PKD2L1: variants seen among roughly 807,000 people sequenced by gnomAD.
PKD2L1 encodes polycystin-2-like protein 1.
In PKD2L1, 77 loss-of-function variants were observed where a neutral mutation model predicts 93.0. The ratio of observed to expected loss-of-function variants is 0.83; its 90% CI spans 0.69 to 1.00. The LOEUF is 1.00. PKD2L1 is among the 50% of genes least tolerant of loss of function. The pLI is 0.00. For missense variants in PKD2L1, 977 were observed against 990.9 expected, an observed-to-expected ratio of 0.99 and a Z score of 0.19; for synonymous variants, 390 against 388.0, an observed-to-expected ratio of 1.01 and a Z score of -0.06.
intron 2 of PKD2L1, among the ~76,000 whole-genome samples, chr10:100,325,362 T>C (rs1187977125): frequency 6.6e-6 from 1 of 152,158 alleles, no homozygotes; most frequent in Non-Finnish European, 1.5e-5. Flanking sequence ...GGCCAGGACC[T>C]TGGAGAGCAC....
chr10:100,291,051 A>C (rs567511580), intron 12 of PKD2L1, among the ~76,000 whole-genome samples: 20 of 152,344 alleles, frequency 1.3e-4, no homozygotes, highest in Non-Finnish European at 2.6e-4. Context: ...AGTTATAAAA[A>C]GTACTGATGT....
intron 2 of PKD2L1, among the ~76,000 whole-genome samples, chr10:100,301,090 C>G (rs866820728): frequency 6.6e-6 from 1 of 152,060 alleles, no homozygotes; most frequent in Non-Finnish European, 1.5e-5. Context: ...CCCCCTGAGC[C>G]GTAAAACCAG....
intron 1 of PKD2L1, 92 bp from the exon 2 acceptor site, chr10:100,329,416 C>T: frequency 6.4e-7 from 1 of 1,557,978 alleles, no homozygotes; most frequent in Non-Finnish European, 8.8e-7. Flanking sequence ...TAGCCCCTTT[C>T]CACCCCTGCC....
Position 100,321,663 on chromosome 10 carries a change from AAAAGAAAGAAAGAAAG to A in PKD2L1, c.349+7532_349+7547del, listed in dbSNP as rs1174755361. Among the ~76,000 whole-genome samples the A allele has an allele frequency of 3.5e-4, 25 of 70,550 alleles. 2 individuals are homozygous for A. Among genetic ancestry groups the A allele is most frequent in the African/African-American group, 5.8e-4 (9 of 15,586 alleles). The allele number at this position is 70,550 out of a possible 152,430, so 46.3% of individuals were successfully genotyped here. A position where few individuals can be genotyped will look rare whatever the true frequency, so the allele number is the denominator to read the frequency against. On this transcript the variant is annotated intron_variant, in intron 2 of 15. Transcript: ENST00000318222. ...ACTCCAGCCTGGGCAACAGAGTGAG[AAAAGAAAGAAAGAAAG>A]AAAGAAAGAAAGAAAGAAAGAAAGA...
At chr10:100,291,566 C>T in intron 11 of PKD2L1, 139 bp from the exon 12 acceptor site, 1 of 793,770 alleles carries the variant, frequency 1.3e-6, no homozygotes, top group Non-Finnish European at 2.0e-6. Context: ...AGCAATCTTA[C>T]CCCCAGGAAA....
intron 2 of PKD2L1, among the ~76,000 whole-genome samples, chr10:100,315,006 GGAA>G (rs1355383072): frequency 0.027 from 299 of 11,140 alleles, 9 homozygotes; most frequent in South Asian, 0.054. Context: ...AAGGAAGGAA[GGAA>G]GGAAGGGAAG....
At chr10:100,296,510 T>G (rs185035946) in intron 6 of PKD2L1, among the ~76,000 whole-genome samples, 1 of 152,020 alleles carries the variant, frequency 6.6e-6, no homozygotes, top group African/African-American at 2.4e-5. Context: ...TTGGGGACAA[T>G]GGTAAATATT....
At chr10:100,313,837 C>A (rs183393746) in intron 2 of PKD2L1, among the ~76,000 whole-genome samples, 3 of 152,212 alleles carry the variant, frequency 2.0e-5, no homozygotes, top group Non-Finnish European at 4.4e-5. Flanking sequence ...GAAGACTTTA[C>A]GCAGACAGAT....
At position 100,288,992 on chromosome 10, in the gene PKD2L1, A is replaced by G. The variant is rs751193937; in HGVS notation, c.2315T>C (p.Val772Ala). 8 of 1,606,434 alleles carry G rather than the reference A, an allele frequency of 5.0e-6. No individual in the cohort carries two copies. Among genetic ancestry groups the G allele is most frequent in the Admixed American group, 1.7e-5 (1 of 59,290 alleles). The change falls in exon 15 of 16, where the codon GTC (valine) becomes GCC (alanine). Residue 772 changes from valine (V) to alanine (A), a missense_variant. Transcript: ENST00000318222. ...CTCACCACTCTCCTGCCCACCCTGG[A>G]CTCCCCAGGGGTCTGGGGTCACAGC... Reference protein sequence around the residue: ...APAVTPDPWGVQGGQESEVPY... With the variant: ...APAVTPDPWGAQGGQESEVPY...
rs530146179 is a variant in PKD2L1, at chr10:100,307,018, C to A, written c.350-7300G>T. Among the ~76,000 whole-genome samples, 4 of 152,178 alleles carry A rather than the reference C, an allele frequency of 2.6e-5. No homozygotes were observed. In the East Asian group the frequency reaches 5.8e-4, roughly 22 times the overall value. ...GTTTGACTCTACAGTCAAGAACCAG[C>A]CTGTTTAACTGGAACGCCTGGTTCA... is the stretch of plus-strand genomic sequence containing the variant. On this transcript the variant is annotated intron_variant, in intron 2 of 15. Coordinates refer to ENST00000318222, the MANE Select transcript of PKD2L1 (RefSeq NM_016112.3).
intron 12 of PKD2L1, among the ~76,000 whole-genome samples, chr10:100,290,966 G>A (rs1482089412): frequency 1.3e-5 from 2 of 152,222 alleles, no homozygotes; most frequent in Non-Finnish European, 2.9e-5. Context: ...TTCTTGGGCA[G>A]TTGGTCATTT....
chr10:100,303,191 G>GTTTTTTTTTTTTTTTTTTTTTTTTTTTT lies in PKD2L1; in HGVS notation c.350-3474_350-3473insAAAAAAAAAAAAAAAAAAAAAAAAAAAA, dbSNP rs146131470. ...TTTAAGTCCATAATTACATCAAACT[G>GTTTTTTTTTTTTTTTTTTTTTTTTTTTT]TTTTTTTGTTTTTTTTTTTGAGACG... On this transcript the variant is annotated intron_variant, in intron 2 of 15. Coordinates refer to ENST00000318222, the MANE Select transcript of PKD2L1 (RefSeq NM_016112.3). Among the ~76,000 whole-genome samples the GTTTTTTTTTTTTTTTTTTTTTTTTTTTT allele has an allele frequency of 4.7e-5, 6 of 128,984 alleles. 1 individual carries two copies. Among genetic ancestry groups the GTTTTTTTTTTTTTTTTTTTTTTTTTTTT allele is most frequent in the African/African-American group, 8.9e-5 (3 of 33,566 alleles). 84.6% of individuals were successfully genotyped at this position (128,984 alleles called of 152,430 possible). A position where few individuals can be genotyped will look rare whatever the true frequency, so the allele number is the denominator to read the frequency against.
chr10:100,302,353 G>A (rs1424251210), intron 2 of PKD2L1, among the ~76,000 whole-genome samples: 1 of 151,010 alleles, frequency 6.6e-6, no homozygotes, highest in Non-Finnish European at 1.5e-5. Flanking sequence ...TTATTTTGTT[G>A]CTCAGGTTTT....
At chr10:100,295,227 C>A (rs1177494330) in intron 7 of PKD2L1, 104 bp from the exon 8 acceptor site, 6 of 827,702 alleles carry the variant, frequency 7.2e-6, no homozygotes, top group Non-Finnish European at 9.9e-6. Context: ...CCAAGCCAGA[C>A]AAAGAAAATG....
chr10:100,288,443 C>A lies in PKD2L1; in HGVS notation c.2371G>T (p.Glu791Ter). The A allele has an allele frequency of 6.2e-7, 1 of 1,612,892 alleles. No individual in the cohort carries two copies. Among genetic ancestry groups the A allele is most frequent in the Non-Finnish European group, 8.5e-7 (1 of 1,178,888 alleles). Residue 791 changes from glutamate to a stop codon, truncating the protein, a stop_gained, in exon 16 of 16, where the codon GAG (glutamate) becomes TAG (stop). Coordinates refer to ENST00000318222, the MANE Select transcript of PKD2L1 (RefSeq NM_016112.3). LOFTEE classifies it low-confidence loss of function (END_TRUNC). ...ATCTCACCACGGGAGAGTCTCCTCT[C>A]CTCTAAGGCTTCCTCTTCTCTTTTA... The part of the protein sequence containing the change: ...PYKREEEALE[E>*]RRLSRGEIPT...
In PKD2L1 at chr10:100,329,418, A is replaced by T. The variant is rs187535072; in HGVS notation, c.236-94T>A. On this transcript the variant is annotated intron_variant, in intron 1 of 15. Transcript: ENST00000318222. ...TGTCTCTGGACTTTAGCCCCTTTCC[A>T]CCCCTGCCCTTCCTTGCCCATCACC... The T allele has an allele frequency of 1.8e-3, 2,776 of 1,546,638 alleles. 17 individuals carry two copies. Among genetic ancestry groups the T allele is most frequent in the Non-Finnish European group, 1.1e-3 (1,271 of 1,134,070 alleles).
intron 2 of PKD2L1, among the ~76,000 whole-genome samples, chr10:100,301,531 T>C (rs895493411): frequency 6.6e-6 from 1 of 151,638 alleles, no homozygotes; most frequent in African/African-American, 2.4e-5. Flanking sequence ...AATTCAGTGA[T>C]ATTTATCTTA....
chr10:100,289,364 A>G (rs2134374335), intron 14 of PKD2L1, among the ~76,000 whole-genome samples: 1 of 152,106 alleles, frequency 6.6e-6, no homozygotes, highest in Non-Finnish European at 1.5e-5. Context: ...ATATGGAGAA[A>G]CCCCATCTGT....
intron 2 of PKD2L1, among the ~76,000 whole-genome samples, chr10:100,314,932 G>T (rs565157036): frequency 2.4e-4 from 34 of 143,990 alleles, no homozygotes; most frequent in African/African-American, 8.8e-4. Flanking sequence ...CTACTCCAGA[G>T]GCTAAGGCAG....
Sources: allele counts gnomAD v4.1 joint callset (sites outside exome capture counted in the v4.1 genomes callset), GRCh38; gene constraint gnomAD v4.1.1; transcripts MANE v1.5; gene names NCBI Gene and HGNC (gene_info 2026-07-23, HGNC 2026-07-21).